The following OLFM3 variants were observed in gnomAD, a reference collection of about 807,000 sequenced individuals.
The protein encoded by OLFM3 is noelin-3.
In OLFM3, 20 loss-of-function variants were observed where a neutral mutation model predicts 48.6. That is an observed-to-expected ratio of 0.41 (90% CI 0.29 to 0.60). The LOEUF is 0.60. OLFM3 is among the 20% of genes least tolerant of loss of function. The probability of loss-of-function intolerance (pLI) is 0.28; values close to 1 mark genes in which losing one functional copy is unlikely to be tolerated. For synonymous variants in OLFM3, 222 were observed against 198.1 expected (o/e 1.12, Z -1.01); for missense variants, 437 against 544.3 (o/e 0.80, Z 1.96).
At chr1:101,966,062 T>C (rs1002393351) in intron 1 of OLFM3, among the ~76,000 whole-genome samples, 8 of 152,232 alleles carry the variant, frequency 5.3e-5, no homozygotes, top group Middle Eastern at 3.2e-3. Flanking sequence ...TTCATTAGGC[T>C]TGGGATAGCA....
rs1400708883 is a variant in OLFM3 at position 101,821,289 on chromosome 1, G to A, written c.592+3737C>T. ...ACTATAACCTACTGCTATACTAAAAGTTATATATTTGATTTCTTCTGCAAT... is the reference window on the plus strand; with the variant it reads ...ACTATAACCTACTGCTATACTAAAAATTATATATTTGATTTCTTCTGCAAT... On this transcript the variant is annotated intron_variant, in intron 4 of 5. Transcript: ENST00000370103. 2.0e-5 allele frequency among the ~76,000 whole-genome samples: 3 copies of A among 151,822 alleles called. No individual in the cohort carries two copies. In the East Asian group the frequency reaches 5.8e-4, roughly 29 times the overall value.
chr1:101,967,309 A>AG, intron 1 of OLFM3, among the ~76,000 whole-genome samples: 1 of 54,562 alleles, frequency 1.8e-5, no homozygotes, highest in Non-Finnish European at 4.0e-5. Flanking sequence ...AAAAAACAAA[A>AG]AAAACAAATA....
intron 1 of OLFM3, among the ~76,000 whole-genome samples, chr1:101,856,409 T>C (rs1369376436): frequency 6.6e-6 from 1 of 151,964 alleles, no homozygotes; most frequent in East Asian, 1.9e-4. Flanking sequence ...TTAAACACTT[T>C]TAACCTTATA....
At chr1:101,896,841 A>T (rs1658226956) in intron 1 of OLFM3, among the ~76,000 whole-genome samples, 1 of 151,928 alleles carries the variant, frequency 6.6e-6, no homozygotes, top group Non-Finnish European at 1.5e-5. Context: ...TTTGTTTTAT[A>T]TCATTCCTTG....
chr1:101,837,353 A>C (rs1263968943), intron 1 of OLFM3, among the ~76,000 whole-genome samples: 1 of 152,198 alleles, frequency 6.6e-6, no homozygotes, highest in Non-Finnish European at 1.5e-5. Flanking sequence ...CTACTTAATC[A>C]CATATGACTC....
At chr1:101,939,830 G>A (rs1213545019) in intron 1 of OLFM3, among the ~76,000 whole-genome samples, 1 of 151,988 alleles carries the variant, frequency 6.6e-6, no homozygotes, top group Non-Finnish European at 1.5e-5. Context: ...TTGGTGAGAG[G>A]TTATACTTAC....
At chr1:101,984,538 C>T (rs1027050420) in intron 1 of OLFM3, among the ~76,000 whole-genome samples, 1 of 152,150 alleles carries the variant, frequency 6.6e-6, no homozygotes, top group African/African-American at 2.4e-5. Context: ...GCTGGAACTA[C>T]AGGCGTCTGC....
At chr1:101,926,624 C>G (rs1659277528) in intron 1 of OLFM3, among the ~76,000 whole-genome samples, 3 of 152,174 alleles carry the variant, frequency 2.0e-5, no homozygotes, top group Non-Finnish European at 4.4e-5. Flanking sequence ...GTCTCTAGTA[C>G]AATAACTGGC....
intron 1 of OLFM3, among the ~76,000 whole-genome samples, chr1:101,935,112 C>A (rs143034268): frequency 0.014 from 2,192 of 151,466 alleles, 36 homozygotes; most frequent in Middle Eastern, 0.088. Flanking sequence ...CAAGAAAAAA[C>A]CAAAATCAGA....
rs563747886 is a variant in OLFM3, at chr1:101,833,273, C to T, written c.217-2446G>A. Among the ~76,000 whole-genome samples the T allele has an allele frequency of 4.1e-4, 62 of 152,326 alleles. No individual in the cohort carries two copies. In the South Asian group the frequency reaches 0.012, roughly 31 times the overall value. ...TTGATGGTGACCTATATTGCAGAAT[C>T]ATGTGTAATTAGAGGAGCTACATTT... On this transcript the variant is annotated intron_variant, in intron 2 of 5. Coordinates refer to ENST00000370103, the MANE Select transcript of OLFM3 (RefSeq NM_058170.4).
chr1:101,827,725 A>C (rs1333875522), intron 3 of OLFM3, among the ~76,000 whole-genome samples: 1 of 150,360 alleles, frequency 6.7e-6, no homozygotes, highest in Non-Finnish European at 1.5e-5. Context: ...GCAATGCAGC[A>C]TTAGTATTAG....
chr1:101,991,390 TA>T (rs1348737400), intron 1 of OLFM3, among the ~76,000 whole-genome samples: 4 of 152,142 alleles, frequency 2.6e-5, no homozygotes, highest in Non-Finnish European at 5.9e-5. Flanking sequence ...AATACTTAAG[TA>T]AATCAGATGC....
chr1:101,880,746 A>C (rs1320834697), intron 1 of OLFM3, among the ~76,000 whole-genome samples: 3 of 151,900 alleles, frequency 2.0e-5, no homozygotes, highest in Non-Finnish European at 4.4e-5. Context: ...TTCTGCTGCA[A>C]ATACCTTGGA....
At chr1:101,937,382 C>T (rs1659655452) in intron 1 of OLFM3, among the ~76,000 whole-genome samples, 1 of 152,164 alleles carries the variant, frequency 6.6e-6, no homozygotes, top group South Asian at 2.1e-4. Context: ...AATGCTCCAA[C>T]CCAGATGACA....
chr1:101,922,093 C>G (rs552091415), intron 1 of OLFM3, among the ~76,000 whole-genome samples: 1 of 152,146 alleles, frequency 6.6e-6, no homozygotes, highest in Non-Finnish European at 1.5e-5. Context: ...AATTGTACCA[C>G]AAGACACAAG....
chr1:101,898,042 T>G (rs1658262520), intron 1 of OLFM3, among the ~76,000 whole-genome samples: 1 of 152,172 alleles, frequency 6.6e-6, no homozygotes, highest in Non-Finnish European at 1.5e-5. Context: ...GACATTTATT[T>G]TATTTATTTG....
chr1:101,910,857 A>C (rs1381015918), intron 1 of OLFM3, among the ~76,000 whole-genome samples: 1 of 152,220 alleles, frequency 6.6e-6, no homozygotes, highest in Non-Finnish European at 1.5e-5. Flanking sequence ...AGATTACATA[A>C]CAGCTATATT....
At chr1:101,939,898 C>T (rs975824168) in intron 1 of OLFM3, among the ~76,000 whole-genome samples, 2 of 152,074 alleles carry the variant, frequency 1.3e-5, no homozygotes, top group African/African-American at 4.8e-5. Context: ...AGCCTCTACC[C>T]ACACAGTGCT....
intron 1 of OLFM3, among the ~76,000 whole-genome samples, chr1:101,867,584 T>G (rs1656905013): frequency 6.6e-6 from 1 of 152,192 alleles, no homozygotes; most frequent in African/African-American, 2.4e-5. Context: ...TCATGATTAT[T>G]TATCCCATTA....
Sources: gnomAD v4.1 joint callset for allele counts (sites outside exome capture counted in the v4.1 genomes callset) on GRCh38, gnomAD v4.1.1 for gene constraint, MANE v1.5 for transcripts, NCBI Gene and HGNC (gene_info 2026-07-23, HGNC 2026-07-21) for gene names.